SLC16A1: variants seen among roughly 807,000 people sequenced by gnomAD.
SLC16A1 encodes the protein solute carrier family 16 member 1, also known as monocarboxylate transporter 1.
SLC16A1 carries 11 observed loss-of-function variants against 32.2 expected under a neutral mutation model. The ratio of observed to expected loss-of-function variants is 0.34; its 90% CI spans 0.21 to 0.56. The LOEUF (loss-of-function observed/expected upper bound fraction) is 0.56. SLC16A1 is among the 20% of genes least tolerant of loss of function. The pLI is 0.87. For synonymous variants in SLC16A1, 231 were observed against 226.8 expected (o/e 1.02, Z -0.17); for missense variants, 435 against 615.0 (o/e 0.71, Z 3.10).
chr1:112,947,175 T>C (rs1649734672), intron 1 of SLC16A1, among the ~76,000 whole-genome samples: 1 of 152,242 alleles, frequency 6.6e-6, no homozygotes, highest in Non-Finnish European at 1.5e-5. Flanking sequence ...TAATGGTATG[T>C]GTTCTATTTT....
intron 2 of SLC16A1, chr1:112,924,335 C>T: frequency 7.6e-7 from 1 of 1,323,730 alleles, no homozygotes; most frequent in Non-Finnish European, 1.1e-6. Flanking sequence ...GTCCCAACTA[C>T]TTCCACTAGG....
In SLC16A1 at chr1:112,914,089, G is replaced by C; in HGVS notation, c.1305C>G (p.Ile435Met). The C allele has an allele frequency of 6.2e-7, 1 of 1,614,184 alleles. No individual in the cohort carries two copies. The highest frequency in any genetic ancestry group is 1.1e-5 in the South Asian group (1 of 91,086). ...TGATGCCCATGCCAATGAAGAGATA[G>C]ATACCTGAAATAATTAGGACGACGC... ...ACGVVLIISG[I>M]YLFIGMGINY... Residue 435 changes from isoleucine (I) to methionine (M), a missense_variant, in exon 5 of 5, where the codon ATC becomes ATG. By Grantham distance (10) the Ile-to-Met change is conservative. This residue lies in a region of SLC16A1 where 111 missense variants were observed against 114.7 expected (regional missense o/e 0.97). Transcript: ENST00000369626.
intron 1 of SLC16A1, among the ~76,000 whole-genome samples, chr1:112,944,655 G>A (rs760024132): frequency 2.6e-5 from 4 of 152,176 alleles, no homozygotes; most frequent in Non-Finnish European, 5.9e-5. Context: ...TATGGAATAT[G>A]TATGTATATG....
chr1:112,917,732 T>C lies in SLC16A1; in HGVS notation c.674A>G (p.Asp225Gly), dbSNP rs375314608. 1.9e-6 allele frequency: 3 copies of C among 1,614,128 alleles called. No individual in the cohort carries two copies. Among genetic ancestry groups the C allele is most frequent in the African/African-American group, 2.7e-5 (2 of 74,944 alleles). ...EKAGKSGVKKDLHDANTDLIG... is the reference protein window; with the variant it reads ...EKAGKSGVKKGLHDANTDLIG... ...AAGATCTGTATTTGCATCATGCAGA[T>C]CTTTTTTCACACCAGATTTTCCAGC... Residue 225 changes from aspartate to glycine, a missense_variant, in exon 4 of 5, where the codon GAT (aspartate) becomes GGT (glycine). This residue lies in a region of SLC16A1 where 324 missense variants were observed against 500.3 expected (regional missense o/e 0.65). Coordinates refer to ENST00000369626, the MANE Select transcript of SLC16A1 (RefSeq NM_003051.4). The surrounding 1 kb of genome is among the most constrained non-coding windows in gnomAD (Gnocchi z 4.1).
At chr1:112,925,565 G>A (rs148153438) in intron 2 of SLC16A1, among the ~76,000 whole-genome samples, 4,353 of 151,548 alleles carry the variant, frequency 0.029, 204 homozygotes, top group African/African-American at 0.1. Flanking sequence ...TTTTTGTAGA[G>A]ACAGGGTTTT....
At chr1:112,934,354 T>C (rs1331867950) in intron 1 of SLC16A1, among the ~76,000 whole-genome samples, 1 of 152,186 alleles carries the variant, frequency 6.6e-6, no homozygotes, top group Non-Finnish European at 1.5e-5. Context: ...ATCCCAGGCA[T>C]TTTAGATAAG....
At chr1:112,933,442 C>T (rs1171775164) in intron 1 of SLC16A1, among the ~76,000 whole-genome samples, 1 of 135,440 alleles carries the variant, frequency 7.4e-6, no homozygotes, top group African/African-American at 2.8e-5. Flanking sequence ...GCCGACACAG[C>T]GAGACTGCGT....
chr1:112,917,501 AGAAG>A lies in SLC16A1; in HGVS notation c.901_904del (p.Leu301PhefsTer10). 1 of 1,614,234 alleles carries A rather than the reference AGAAG, an allele frequency of 6.2e-7. No individual in the cohort carries two copies. The highest frequency in any genetic ancestry group is 8.5e-7 in the Non-Finnish European group (1 of 1,180,034). ...CATGTCAACAAAAGCCAGAATGGAA[AGAAG>A]GAAGGCAGACTTCTCACTAGAATAA... On this transcript the variant is annotated frameshift_variant, in exon 4 of 5. Coordinates refer to ENST00000369626, the MANE Select transcript of SLC16A1 (RefSeq NM_003051.4). LOFTEE classifies it high-confidence loss of function. This position sits in a 1 kb window ranked among gnomAD's most constrained non-coding sequence, Gnocchi z 4.1.
chr1:112,929,636 A>G lies in SLC16A1; in HGVS notation c.-44-284T>C, dbSNP rs543346745. ...TGAGGCAGGAGGATCACTTGTACTC[A>G]GGAGTTTGAGACCACCCTGGGCAAC... is the stretch of plus-strand genomic sequence containing the variant. On this transcript the variant is annotated intron_variant, in intron 1 of 4. Transcript: ENST00000369626. Among the ~76,000 whole-genome samples, 6 of 152,266 alleles carry G rather than the reference A, an allele frequency of 3.9e-5. No homozygotes were observed. The South Asian group carries it at 1.2e-3, about 32-fold the overall frequency.
chr1:112,944,739 T>C (rs1156963091), intron 1 of SLC16A1, among the ~76,000 whole-genome samples: 35 of 152,234 alleles, frequency 2.3e-4, no homozygotes, highest in Non-Finnish European at 4.4e-5. Context: ...GTCGCTGAGG[T>C]TGGAGTGCAG....
At chr1:112,916,821 C>T (rs770787195) in intron 4 of SLC16A1, among the ~76,000 whole-genome samples, 22 of 151,468 alleles carry the variant, frequency 1.5e-4, no homozygotes, top group Admixed American at 3.3e-4. Context: ...TCCCAGCTAC[C>T]GGGAGGCTGA....
rs567566980 is a variant in SLC16A1 at position 112,928,250 on chromosome 1, T to C, written c.217+842A>G. ...GATTTAATTACAGGCTTAATGAAAT[T>C]ATGATTTCAACTGCTTATTCCTGTT... On this transcript the variant is annotated intron_variant, in intron 2 of 4. Transcript: ENST00000369626. 3.9e-5 allele frequency among the ~76,000 whole-genome samples: 6 copies of C among 152,338 alleles called. No homozygotes were observed. In the South Asian group the frequency reaches 1.2e-3, roughly 32 times the overall value.
intron 1 of SLC16A1, among the ~76,000 whole-genome samples, chr1:112,946,430 C>G (rs1164346554): frequency 6.6e-6 from 1 of 151,984 alleles, no homozygotes; most frequent in East Asian, 1.9e-4. Context: ...CTAATTTTCC[C>G]AGTTTTTGAG....
At chr1:112,922,495 T>C in intron 2 of SLC16A1, 1 of 301,030 alleles carries the variant, frequency 3.3e-6, no homozygotes, top group Non-Finnish European at 6.3e-6. Flanking sequence ...AGAAAGTGGC[T>C]GGGCGCAGTA....
intron 1 of SLC16A1, chr1:112,955,814 C>G (rs1438524980): frequency 1.3e-5 from 2 of 152,148 alleles, no homozygotes; most frequent in African/African-American, 4.8e-5. Flanking sequence ...GGGCCCGCGG[C>G]TCGGCTAAGA....
At chr1:112,943,594 C>G (rs1238363382) in intron 1 of SLC16A1, among the ~76,000 whole-genome samples, 1 of 151,106 alleles carries the variant, frequency 6.6e-6, no homozygotes, top group Admixed American at 6.6e-5. Flanking sequence ...TTGAGACCAG[C>G]CTGGCCAACA....
At chr1:112,929,043 T>A in intron 2 of SLC16A1, 49 bp downstream of exon 2, 1 of 1,315,796 alleles carries the variant, frequency 7.6e-7, no homozygotes. Flanking sequence ...ATACAGACAC[T>A]CTGGCTGCTT....
intron 2 of SLC16A1, among the ~76,000 whole-genome samples, chr1:112,923,255 G>T (rs1301930980): frequency 4.0e-5 from 2 of 49,614 alleles, no homozygotes; most frequent in African/African-American, 3.7e-4. Flanking sequence ...GGAGGTGGAG[G>T]TTGCGGTGAG....
chr1:112,914,221 C>A, intron 4 of SLC16A1, 56 bp from the exon 5 acceptor site: 2 of 1,553,960 alleles, frequency 1.3e-6, no homozygotes, highest in Non-Finnish European at 1.8e-6. Flanking sequence ...GTTTTTTTTT[C>A]CCCCAAGCAA....
Sources: allele counts gnomAD v4.1 joint callset (sites outside exome capture counted in the v4.1 genomes callset), GRCh38; gene constraint gnomAD v4.1.1; regional missense constraint gnomAD v4.1.1; non-coding constraint Gnocchi (gnomAD v3.1); transcripts MANE v1.5; gene names NCBI Gene and HGNC (gene_info 2026-07-23, HGNC 2026-07-21).